Variants in ANKRD30A observed in about 807,000 individuals in gnomAD.
ANKRD30A encodes ankyrin repeat domain 30A, also known as ankyrin repeat domain-containing protein 30A.
Under a neutral mutation model 166.3 loss-of-function variants are expected in ANKRD30A, and 170 were observed. That is an observed-to-expected ratio of 1.02 (90% CI 0.90 to 1.16). The LOEUF (loss-of-function observed/expected upper bound fraction) is 1.16. ANKRD30A is among the 50% of genes most tolerant of loss of function. The pLI is 0.00. For missense variants in ANKRD30A, 1,630 were observed against 1,518.0 expected, an observed-to-expected ratio of 1.07 and a Z score of -1.23; for synonymous variants, 564 against 508.9, an observed-to-expected ratio of 1.11 and a Z score of -1.46.
At chr10:37,215,601 T>C (rs536245928) in intron 31 of ANKRD30A, among the ~76,000 whole-genome samples, 1 of 151,640 alleles carries the variant, frequency 6.6e-6, no homozygotes, top group African/African-American at 2.4e-5. Flanking sequence ...AGCTGAAACA[T>C]TCATAAGGTT....
chr10:37,217,606 C>T (rs762975613), intron 32 of ANKRD30A, 89 bp from the exon 33 acceptor site: 16 of 1,064,740 alleles, frequency 1.5e-5, no homozygotes, highest in Non-Finnish European at 1.9e-5. Context: ...TTTTATTGGA[C>T]TAATAACCCA....
chr10:37,190,016 T>C (rs2132651252), intron 25 of ANKRD30A, among the ~76,000 whole-genome samples: 1 of 151,890 alleles, frequency 6.6e-6, no homozygotes, highest in East Asian at 1.9e-4. Flanking sequence ...ACAGCAAAAA[T>C]ATTCTGACTC....
At chr10:37,227,236 C>G (rs1190892527) in intron 34 of ANKRD30A, among the ~76,000 whole-genome samples, 28 of 151,808 alleles carry the variant, frequency 1.8e-4, no homozygotes, top group Non-Finnish European at 3.5e-4. Context: ...AGATTTATTC[C>G]TGTCTTTTCT....
intron 15 of ANKRD30A, among the ~76,000 whole-genome samples, chr10:37,161,931 T>C (rs553762673): frequency 6.6e-6 from 1 of 152,274 alleles, no homozygotes; most frequent in South Asian, 2.1e-4. Context: ...AGATAAATAT[T>C]GTGGTGACTT....
intron 31 of ANKRD30A, among the ~76,000 whole-genome samples, chr10:37,208,293 G>T (rs898434555): frequency 6.6e-6 from 1 of 152,154 alleles, no homozygotes; most frequent in Admixed American, 6.6e-5. Flanking sequence ...TGTCAGTCCA[G>T]TCCAGCTTGT....
chr10:37,251,135 G>A, the ANKRD30A span, among the ~76,000 whole-genome samples: 40 of 152,246 alleles, frequency 2.6e-4, no homozygotes, highest in African/African-American at 9.6e-4. Context: ...AAAGAAGATA[G>A]GACTGCTCTG....
At position 37,192,896 on chromosome 10, in the gene ANKRD30A, C is replaced by A. The variant is rs188982090; in HGVS notation, c.2513-168C>A. Reference sequence around the variant, plus strand: ...CAAATTGTCTTAGGTATATTTCTGTCACGTTGGCATGATAACAAATACAGT... The same window carrying A: ...CAAATTGTCTTAGGTATATTTCTGTAACGTTGGCATGATAACAAATACAGT... On this transcript the variant is annotated intron_variant, in intron 25 of 35. Coordinates refer to ENST00000361713, the MANE Select transcript of ANKRD30A (RefSeq NM_052997.3). Among the ~76,000 whole-genome samples the A allele has an allele frequency of 2.1e-4, 32 of 152,130 alleles. No homozygotes were observed. The East Asian group carries it at 6.0e-3, about 28-fold the overall frequency.
intron 27 of ANKRD30A, among the ~76,000 whole-genome samples, chr10:37,195,919 G>A (rs1841048013): frequency 6.6e-6 from 1 of 152,040 alleles, no homozygotes; most frequent in East Asian, 1.9e-4. Context: ...GCATTATATT[G>A]CTTTTATTTC....
the ANKRD30A span, among the ~76,000 whole-genome samples, chr10:37,250,325 G>A: frequency 1.3e-5 from 2 of 152,036 alleles, no homozygotes; most frequent in Non-Finnish European, 2.9e-5. Flanking sequence ...GGTCAGGGAG[G>A]TGTGGGGAAG....
Position 37,165,103 on chromosome 10 carries a change from T to G in ANKRD30A, c.2012T>G (p.Leu671Arg), listed in dbSNP as rs763345842. 23 of 1,608,356 alleles carry G rather than the reference T, an allele frequency of 1.4e-5. No individual in the cohort carries two copies. In the South Asian group the frequency reaches 2.5e-4, roughly 18 times the overall value. ...GATTAACCTTTTATAGATGAGATAC[T>G]CCCATCAGAATCCAAACAAAAGGAC... is the stretch of plus-strand genomic sequence containing the variant. ...NEQTLRADEI[L>R]PSESKQKDYE... is the part of the protein sequence containing the mutation. Residue 671 changes from leucine to arginine, a missense_variant, in exon 18 of 36, where the codon CTC (leucine) becomes CGC (arginine). Leu to Arg is a moderately radical substitution (Grantham distance 102). Around this residue, in one of 4 missense-constraint regions of ANKRD30A, gnomAD observed 904 missense variants for 818.5 expected, o/e 1.10. Coordinates refer to ENST00000361713, the MANE Select transcript of ANKRD30A (RefSeq NM_052997.3).
chr10:37,143,552 G>A (rs1837297820), intron 7 of ANKRD30A, among the ~76,000 whole-genome samples: 1 of 152,164 alleles, frequency 6.6e-6, no homozygotes, highest in Non-Finnish European at 1.5e-5. Context: ...TACCTAGGAG[G>A]CTGAGGCAGG....
At chr10:37,260,724 G>T in the ANKRD30A span, among the ~76,000 whole-genome samples, 1 of 152,144 alleles carries the variant, frequency 6.6e-6, no homozygotes, top group South Asian at 2.1e-4. Context: ...AGCAGCTACT[G>T]GTTGGAAATT....
At chr10:37,179,045 TATATATATATATATATATA>T (rs1419179397) in intron 24 of ANKRD30A, among the ~76,000 whole-genome samples, 188 of 136,042 alleles carry the variant, frequency 1.4e-3, no homozygotes, top group African/African-American at 4.7e-3. Context: ...TATATATATA[TATATATATATATATATATA>T]GATGTGTGCA....
chr10:37,219,755 G>T lies in ANKRD30A; in HGVS notation c.4043G>T (p.Ser1348Ile), dbSNP rs767672470. ...GCACATAAGAAAGCTGACAACAAAAGCAAGATAACAATTGATATTCATTTT... is the reference window on the plus strand; with the variant it reads ...GCACATAAGAAAGCTGACAACAAAATCAAGATAACAATTGATATTCATTTT... ...VHAHKKADNK[S>I]KITIDIHFLE... The change falls in exon 34 of 36, where the codon AGC becomes ATC. Residue 1348 changes from serine (S) to isoleucine (I), a missense_variant. Physicochemically the swap from Ser to Ile is moderately radical, Grantham distance 142 (BLOSUM62 -2). Around this residue, in one of 4 missense-constraint regions of ANKRD30A, gnomAD observed 712 missense variants for 629.3 expected, o/e 1.13. Coordinates refer to ENST00000361713, the MANE Select transcript of ANKRD30A (RefSeq NM_052997.3). 6.2e-7 allele frequency: 1 copy of T among 1,608,288 alleles called. No individual in the cohort carries two copies. The highest frequency in any genetic ancestry group is 1.7e-5 in the Admixed American group (1 of 59,428).
intron 5 of ANKRD30A, 77 bp downstream of exon 5, chr10:37,134,130 T>G: frequency 1.9e-6 from 3 of 1,540,032 alleles, no homozygotes; most frequent in Non-Finnish European, 2.7e-6. Context: ...GTGAGTTCAC[T>G]TCATCAGCCA....
chr10:37,262,027 T>C, the ANKRD30A span: 1 of 152,672 alleles, frequency 6.5e-6, no homozygotes, highest in African/African-American at 2.4e-5. Context: ...TCATTCCTTA[T>C]TTTAAATCTT....
In ANKRD30A at chr10:37,193,179, C is replaced by A. The variant is rs371149957; in HGVS notation, c.2542-7C>A. The A allele has an allele frequency of 2.9e-4, 469 of 1,611,662 alleles. 5 individuals carry two copies. Among genetic ancestry groups the A allele is most frequent in the Middle Eastern group, 2.3e-3 (14 of 6,058 alleles). ...ATATTAATTGTTTTGTTTCTAAACC[C>A]ATTTAGGCTCCCTGCAGAATGAAAG... On this transcript the variant is annotated splice_region_variant and splice_polypyrimidine_tract_variant and intron_variant, in intron 26 of 35. Transcript: ENST00000361713.
the ANKRD30A span, among the ~76,000 whole-genome samples, chr10:37,256,822 C>A: frequency 6.6e-6 from 1 of 152,128 alleles, no homozygotes. Flanking sequence ...GTTTTCACAT[C>A]GATGTTCATA....
At chr10:37,134,314 T>C (rs1414904376) in intron 5 of ANKRD30A, among the ~76,000 whole-genome samples, 1 of 152,200 alleles carries the variant, frequency 6.6e-6, no homozygotes, top group Admixed American at 6.6e-5. Context: ...TAGTGTCCTC[T>C]GGGGGCTGTC....
Sources: gnomAD v4.1 joint callset for allele counts (sites outside exome capture counted in the v4.1 genomes callset) on GRCh38, gnomAD v4.1.1 for gene constraint, gnomAD v4.1.1 regional missense constraint, MANE v1.5 for transcripts, NCBI Gene and HGNC (gene_info 2026-07-23, HGNC 2026-07-21) for gene names.